Variants in PCDH9 observed in about 807,000 individuals in gnomAD.
PCDH9 encodes protocadherin-9.
A neutral mutation model predicts 70.6 loss-of-function variants in PCDH9; 24 were observed. That is an observed-to-expected ratio of 0.34 (90% CI 0.25 to 0.48). The LOEUF is 0.48. PCDH9 is among the 20% of genes least tolerant of loss of function. The pLI is 0.99. For synonymous variants in PCDH9, 562 were observed against 558.5 expected (o/e 1.01, Z -0.09); for missense variants, 1,281 against 1,503.6 (o/e 0.85, Z 2.45).
intron 4 of PCDH9, among the ~76,000 whole-genome samples, chr13:66,484,440 G>A (rs923262754): frequency 6.6e-6 from 1 of 152,152 alleles, no homozygotes; most frequent in African/African-American, 2.4e-5. Flanking sequence ...CCGTGCGAGG[G>A]CGATAAAAGA....
chr13:66,626,684 C>T (rs1241828270), intron 4 of PCDH9, among the ~76,000 whole-genome samples: 1 of 152,026 alleles, frequency 6.6e-6, no homozygotes, highest in Non-Finnish European at 1.5e-5. Flanking sequence ...GTTTCCAGCA[C>T]AAAAAAATTA....
chr13:66,836,959 C>T (rs113878540), intron 3 of PCDH9, among the ~76,000 whole-genome samples: 24 of 152,262 alleles, frequency 1.6e-4, no homozygotes, highest in African/African-American at 5.5e-4. Flanking sequence ...AGAAAAGCTC[C>T]AGTATTTAAA....
chr13:67,229,957 C>T lies in PCDH9; in HGVS notation c.-313G>A, dbSNP rs2089970084. On this transcript the variant is annotated 5_prime_UTR_variant, in exon 1 of 5. Transcript: ENST00000377865. ...CTGGCAAATTAGCAACTCCAGAGAA[C>T]AAATTCACGGATTTGTCGTTAGTCA... is the stretch of plus-strand genomic sequence containing the variant. The T allele has an allele frequency of 6.6e-6, 1 of 152,172 alleles. No homozygotes were observed. The highest frequency in any genetic ancestry group is 2.4e-5 in the African/African-American group (1 of 41,426). The allele number at this position is 152,172 out of a possible 1,614,324, so 9.4% of individuals were successfully genotyped here.
intron 2 of PCDH9, among the ~76,000 whole-genome samples, chr13:66,978,915 A>C (rs1446189154): frequency 6.6e-6 from 1 of 151,550 alleles, no homozygotes; most frequent in Non-Finnish European, 1.5e-5. Context: ...ATTTACATAC[A>C]GTTACATAGA....
chr13:66,700,484 G>A (rs2078623516), intron 3 of PCDH9, among the ~76,000 whole-genome samples: 1 of 152,126 alleles, frequency 6.6e-6, no homozygotes, highest in African/African-American at 2.4e-5. Context: ...AAATGCAGTA[G>A]CAGTCTGAGC....
chr13:66,326,839 A>T (rs9571572), intron 4 of PCDH9, among the ~76,000 whole-genome samples: 34,012 of 152,152 alleles, frequency 0.22, 3,989 homozygotes, highest in Middle Eastern at 0.29. Context: ...TTTAAGTTTA[A>T]AAAACTATTA....
chr13:66,818,215 A>T (rs2080643048), intron 3 of PCDH9, among the ~76,000 whole-genome samples: 1 of 152,222 alleles, frequency 6.6e-6, no homozygotes, highest in Admixed American at 6.5e-5. Context: ...CCATGGGCAG[A>T]TTCACTAGCT....
At chr13:66,673,954 T>A (rs2078210258) in intron 3 of PCDH9, among the ~76,000 whole-genome samples, 1 of 152,150 alleles carries the variant, frequency 6.6e-6, no homozygotes, top group Non-Finnish European at 1.5e-5. Context: ...AAAATTAGCT[T>A]ATGATATCAT....
chr13:67,117,093 G>A (rs1193760064), intron 2 of PCDH9, among the ~76,000 whole-genome samples: 2 of 152,120 alleles, frequency 1.3e-5, no homozygotes, highest in Non-Finnish European at 2.9e-5. Context: ...AAATGTCTTG[G>A]AAAATTTGTA....
chr13:66,387,138 C>T (rs941086039), intron 4 of PCDH9, among the ~76,000 whole-genome samples: 1 of 152,104 alleles, frequency 6.6e-6, no homozygotes, highest in African/African-American at 2.4e-5. Flanking sequence ...AAATAAAAAA[C>T]TCAGATTCAA....
chr13:67,169,944 G>A (rs2088231957), intron 2 of PCDH9, among the ~76,000 whole-genome samples: 1 of 152,020 alleles, frequency 6.6e-6, no homozygotes, highest in Non-Finnish European at 1.5e-5. Flanking sequence ...CAAATCTCTG[G>A]AACCAGTTAG....
chr13:66,779,847 C>CTATATATATATATA lies in PCDH9; in HGVS notation c.3138+123656_3138+123657insTATATATATATATA, dbSNP rs1282944249. 9.6e-4 allele frequency among the ~76,000 whole-genome samples: 57 copies of CTATATATATATATA among 59,668 alleles called. 1 individual carries two copies. The highest frequency in any genetic ancestry group is 3.1e-3 in the African/African-American group (49 of 15,652). 39.1% of individuals were successfully genotyped at this position (59,668 alleles called of 152,430 possible). On this transcript the variant is annotated intron_variant, in intron 3 of 4. Transcript: ENST00000377865. The stretch of plus-strand genomic sequence containing the variant: ...TCTCTCTCTCTCTCTCTCTCTCTCT[C>CTATATATATATATA]TCTATATATATATATATATACATAT...
At chr13:66,775,941 C>G (rs2079885392) in intron 3 of PCDH9, among the ~76,000 whole-genome samples, 1 of 152,080 alleles carries the variant, frequency 6.6e-6, no homozygotes, top group African/African-American at 2.4e-5. Flanking sequence ...ACAAGGGTGC[C>G]TATTATCAAT....
chr13:66,639,071 C>T (rs1051582439), intron 3 of PCDH9, among the ~76,000 whole-genome samples: 4 of 152,166 alleles, frequency 2.6e-5, no homozygotes, highest in African/African-American at 9.7e-5. Flanking sequence ...TTTATGCATG[C>T]TATATAAAGT....
At chr13:66,999,714 CA>C (rs1177034915) in intron 2 of PCDH9, among the ~76,000 whole-genome samples, 1 of 151,878 alleles carries the variant, frequency 6.6e-6, no homozygotes, top group Admixed American at 6.5e-5. Flanking sequence ...TTTATGCAGC[CA>C]AAAGACACAT....
intron 4 of PCDH9, among the ~76,000 whole-genome samples, chr13:66,329,566 G>A (rs1443974826): frequency 6.6e-6 from 1 of 152,096 alleles, no homozygotes; most frequent in Non-Finnish European, 1.5e-5. Flanking sequence ...CCCAGTTGAT[G>A]AAGAACAATA....
At chr13:66,642,714 A>G (rs767928470) in intron 3 of PCDH9, among the ~76,000 whole-genome samples, 1 of 152,046 alleles carries the variant, frequency 6.6e-6, no homozygotes, top group Non-Finnish European at 1.5e-5. Context: ...AAGAAATCAT[A>G]AAGTAAAAAT....
At chr13:67,225,353 T>C (rs758830543) in intron 2 of PCDH9, 52 bp downstream of exon 2, 1 of 1,551,248 alleles carries the variant, frequency 6.4e-7, no homozygotes, top group African/African-American at 1.4e-5. Flanking sequence ...TAATACTGGT[T>C]GACTGGGCAC....
At chr13:66,685,219 C>A (rs1319882644) in intron 3 of PCDH9, among the ~76,000 whole-genome samples, 3 of 152,136 alleles carry the variant, frequency 2.0e-5, no homozygotes, top group African/African-American at 7.2e-5. Context: ...GTGGGCCAGG[C>A]CCAGGGCCTT....
Sources: allele counts gnomAD v4.1 joint callset (sites outside exome capture counted in the v4.1 genomes callset), GRCh38; gene constraint gnomAD v4.1.1; transcripts MANE v1.5; gene names NCBI Gene and HGNC (gene_info 2026-07-23, HGNC 2026-07-21).